Variants in NOS2 observed in about 807,000 individuals in gnomAD.
The protein encoded by NOS2 is nitric oxide synthase 2.
NOS2 carries 96 observed loss-of-function variants against 136.0 expected under a neutral mutation model. The ratio of observed to expected loss-of-function variants is 0.71; its 90% CI spans 0.60 to 0.84. The LOEUF (loss-of-function observed/expected upper bound fraction) is 0.84, where lower values mean the gene tolerates loss of function less well. NOS2 is among the 40% of genes least tolerant of loss of function. The pLI is 0.00. For missense variants in NOS2, 1,237 were observed against 1,496.9 expected (o/e 0.83, Z 2.87); for synonymous variants, 539 against 587.5 (o/e 0.92, Z 1.20).
rs757906916 is a variant in NOS2, at chr17:27,762,901, C to T, written c.2697G>A (p.Gln899=). The change falls in exon 22 of 27, where the codon CAG becomes CAA. Residue 899 remains glutamine, a synonymous_variant. Coordinates refer to ENST00000313735, the MANE Select transcript of NOS2 (RefSeq NM_000625.4). The part of the protein sequence containing the change: ...LRVSAGFLLS[Q]LPILKPRFYS... ...AGAACCTGGGCTTCAGAATGGGGAG[C>T]TGGGAAAGCAGGAAGCCAGCAGACA... is the stretch of plus-strand genomic sequence containing the variant. The T allele has an allele frequency of 1.9e-6, 3 of 1,600,720 alleles. No individual in the cohort carries two copies. Among genetic ancestry groups the T allele is most frequent in the Non-Finnish European group, 2.6e-6 (3 of 1,174,610 alleles).
At chr17:27,788,196 G>GCACACACACA (rs59431357) in intron 4 of NOS2, among the ~76,000 whole-genome samples, 25,835 of 149,602 alleles carry the variant, frequency 0.17, 2,269 homozygotes, top group Non-Finnish European at 0.18. Flanking sequence ...GCACACGCGT[G>GCACACACACA]CACACACACA....
chr17:27,772,548 G>A, intron 13 of NOS2, 96 bp from the exon 14 acceptor site: 1 of 1,431,110 alleles, frequency 7.0e-7, no homozygotes, highest in Non-Finnish European at 9.6e-7. Flanking sequence ...AGCGTTTAAT[G>A]TGGGGCAGGT....
intron 11 of NOS2, among the ~76,000 whole-genome samples, chr17:27,775,062 A>G (rs1034545014): frequency 2.0e-5 from 3 of 152,218 alleles, no homozygotes; most frequent in Admixed American, 1.3e-4. Context: ...CAGTCAAGAG[A>G]CATTTGTTTA....
chr17:27,773,138 TA>T, intron 13 of NOS2, 22 bp downstream of exon 13: 1 of 1,577,858 alleles, frequency 6.3e-7, no homozygotes, highest in Non-Finnish European at 8.7e-7. Context: ...ACATCACTAC[TA>T]GCCACTGCCA....
chr17:27,798,662 A>G, intron 2 of NOS2, 38 bp downstream of exon 2: 4 of 1,326,128 alleles, frequency 3.0e-6, no homozygotes, highest in Non-Finnish European at 4.4e-6. Context: ...ATGGGTGCCC[A>G]AGGAGACAAG....
intron 2 of NOS2, among the ~76,000 whole-genome samples, chr17:27,795,410 A>G (rs1337699544): frequency 6.6e-6 from 1 of 152,254 alleles, no homozygotes; most frequent in East Asian, 1.9e-4. Context: ...AGGACCTTAT[A>G]AATGTTATCT....
At chr17:27,772,264 G>A (rs1908519599) in intron 14 of NOS2, 44 bp downstream of exon 14, 1 of 1,611,498 alleles carries the variant, frequency 6.2e-7, no homozygotes, top group South Asian at 1.1e-5. Flanking sequence ...AGACTCCCCT[G>A]CACACAAGCA....
intron 25 of NOS2, 27 bp downstream of exon 25, chr17:27,760,003 C>G (rs369833617): frequency 3.4e-6 from 5 of 1,492,282 alleles, no homozygotes; most frequent in Admixed American, 2.3e-5. Context: ...GTGTGTAATG[C>G]TTCACCTGCT....
chr17:27,788,881 T>TG lies in NOS2; in HGVS notation c.245dup (p.Arg83ThrfsTer21), dbSNP rs1221613606. On this transcript the variant is annotated frameshift_variant, in exon 4 of 27. Coordinates refer to ENST00000313735, the MANE Select transcript of NOS2 (RefSeq NM_000625.4). LOFTEE classifies it high-confidence loss of function. ...CCCAGTTTTTGATCCTCACATGCCGTGGGGAGGACAATGGGGTTGCATCCA... is the reference window on the plus strand; with the variant it reads ...CCCAGTTTTTGATCCTCACATGCCGTGGGGGAGGACAATGGGGTTGCATCCA... 6.2e-7 allele frequency: 1 copy of TG among 1,614,116 alleles called. No homozygotes were observed. Among genetic ancestry groups the TG allele is most frequent in the Admixed American group, 1.7e-5 (1 of 60,020 alleles).
At chr17:27,777,307 C>G (rs1380248928) in intron 11 of NOS2, among the ~76,000 whole-genome samples, 4 of 152,256 alleles carry the variant, frequency 2.6e-5, no homozygotes, top group African/African-American at 9.6e-5. Flanking sequence ...TCCAGGGCAT[C>G]TGTCAGCTTT....
chr17:27,769,860 G>A (rs1156526320), intron 15 of NOS2, among the ~76,000 whole-genome samples: 1 of 152,238 alleles, frequency 6.6e-6, no homozygotes, highest in Non-Finnish European at 1.5e-5. Flanking sequence ...AGCCCTGGCA[G>A]AGGGGCCTGC....
intron 3 of NOS2, among the ~76,000 whole-genome samples, chr17:27,789,329 C>A (rs1909119237): frequency 6.6e-6 from 1 of 152,178 alleles, no homozygotes; most frequent in African/African-American, 2.4e-5. Context: ...ATTTCTCTGC[C>A]CACCTCTCTA....
Position 27,759,026 on chromosome 17 carries a change from C to A in NOS2, c.3209G>T (p.Arg1070Leu), listed in dbSNP as rs199927159. 1.9e-6 allele frequency: 3 copies of A among 1,609,300 alleles called. No homozygotes were observed. The highest frequency in any genetic ancestry group is 1.7e-6 in the Non-Finnish European group (2 of 1,178,160). The change falls in exon 26 of 27, where the codon CGT becomes CTT. Residue 1070 changes from arginine (R) to leucine (L), a missense_variant. Around this residue, in one of 3 missense-constraint regions of NOS2, gnomAD observed 782 missense variants for 909.9 expected, o/e 0.86. Coordinates refer to ENST00000313735, the MANE Select transcript of NOS2 (RefSeq NM_000625.4). ...GTGGCCTGGCTCCTTGTGGAGCACACGGAGCACCTCGCTGGCCAGCTGCTG... is the reference window on the plus strand; with the variant it reads ...GTGGCCTGGCTCCTTGTGGAGCACAAGGAGCACCTCGCTGGCCAGCTGCTG... Reference protein sequence around the residue: ...LRQQLASEVLRVLHKEPGHLY... With the variant: ...LRQQLASEVLLVLHKEPGHLY...
chr17:27,760,548 T>C (rs1258116237), intron 24 of NOS2, 75 bp downstream of exon 24: 9 of 1,542,782 alleles, frequency 5.8e-6, no homozygotes, highest in East Asian at 2.4e-5. Context: ...GAACCGTTTG[T>C]GGGGCTGCAG....
rs1908899210 is a variant in NOS2, at chr17:27,782,977, G to A, written c.597C>T (p.Arg199=). The stretch of plus-strand genomic sequence containing the variant: ...TGGACCACTGGATCCTCCCAATGCA[G>A]CGTGGGGCATTGCGCCAGGCCTGCT... The part of the protein sequence containing the change: ...ATKQAWRNAP[R]CIGRIQWSNL... The change falls in exon 6 of 27, where the codon CGC becomes CGT. Residue 199 remains arginine, a synonymous_variant. Transcript: ENST00000313735. The A allele has an allele frequency of 1.2e-6, 2 of 1,614,090 alleles. No individual in the cohort carries two copies. Among genetic ancestry groups the A allele is most frequent in the Non-Finnish European group, 1.7e-6 (2 of 1,180,054 alleles).
chr17:27,773,416 C>T (rs926959507), intron 12 of NOS2, among the ~76,000 whole-genome samples, 173 bp from the exon 13 acceptor site: 1 of 152,244 alleles, frequency 6.6e-6, no homozygotes, highest in East Asian at 1.9e-4. Flanking sequence ...GGCTGCCTCT[C>T]CCCCAGAGTT....
At position 27,763,700 on chromosome 17, in the gene NOS2, G is replaced by C. The variant is rs1210734796; in HGVS notation, c.2592+281C>G. Among the ~76,000 whole-genome samples, 13 of 152,046 alleles carry C rather than the reference G, an allele frequency of 8.6e-5. No homozygotes were observed. In the East Asian group the frequency reaches 2.5e-3, roughly 29 times the overall value. On this transcript the variant is annotated intron_variant, in intron 21 of 26. Coordinates refer to ENST00000313735, the MANE Select transcript of NOS2 (RefSeq NM_000625.4). ...CAAGTTTATTCCAGTTTTGGGGAAA[G>C]CAAAGACGGATAAGGGCGGCTCCCC...
chr17:27,780,045 T>C (rs1260988717), intron 9 of NOS2, among the ~76,000 whole-genome samples: 1 of 152,070 alleles, frequency 6.6e-6, no homozygotes, highest in Non-Finnish European at 1.5e-5. Flanking sequence ...AACAAATATA[T>C]AAGAAATAAA....
chr17:27,771,091 G>A (rs1318683765), intron 14 of NOS2, 74 bp from the exon 15 acceptor site: 1 of 1,083,328 alleles, frequency 9.2e-7, no homozygotes, highest in East Asian at 2.6e-5. Context: ...GACACCCTGG[G>A]CTTCCTCCCA....
Sources: allele counts gnomAD v4.1 joint callset (sites outside exome capture counted in the v4.1 genomes callset), GRCh38; gene constraint gnomAD v4.1.1; regional missense constraint gnomAD v4.1.1; transcripts MANE v1.5; gene names NCBI Gene and HGNC (gene_info 2026-07-23, HGNC 2026-07-21).